Variants in NAV2 observed in about 807,000 individuals in gnomAD.
NAV2 encodes the protein neuron navigator 2.
Under a neutral mutation model 223.2 loss-of-function variants are expected in NAV2, and 54 were observed. That is an observed-to-expected ratio of 0.24 (90% CI 0.19 to 0.30). The LOEUF is 0.30. NAV2 is among the 10% of genes least tolerant of loss of function. The pLI is 1.00. For missense variants in NAV2, 2,806 were observed against 3,147.5 expected (o/e 0.89, Z 2.60); for synonymous variants, 1,279 against 1,239.3 (o/e 1.03, Z -0.67).
intron 1 of NAV2, among the ~76,000 whole-genome samples, chr11:19,587,246 G>A (rs1045118000): frequency 6.6e-6 from 1 of 152,210 alleles, no homozygotes; most frequent in African/African-American, 2.4e-5. Context: ...ATTAGGGTGG[G>A]AGTGACCCAG....
chr11:19,553,034 T>A (rs1434214170), intron 1 of NAV2, among the ~76,000 whole-genome samples: 1 of 152,194 alleles, frequency 6.6e-6, no homozygotes, highest in Non-Finnish European at 1.5e-5. Context: ...CAGCCTTGCC[T>A]CCAGTCTCAG....
At chr11:19,896,415 A>C (rs1265105739) in intron 6 of NAV2, among the ~76,000 whole-genome samples, 1 of 152,202 alleles carries the variant, frequency 6.6e-6, no homozygotes, top group Non-Finnish European at 1.5e-5. Flanking sequence ...GAATGAAATC[A>C]CACAGCATTT....
intron 1 of NAV2, among the ~76,000 whole-genome samples, chr11:19,808,831 A>T (rs1666324290): frequency 6.6e-6 from 1 of 152,210 alleles, no homozygotes; most frequent in African/African-American, 2.4e-5. Flanking sequence ...TTTTGGAGAC[A>T]TTTTTTTGCT....
chr11:20,086,494 C>T (rs2060454568), intron 26 of NAV2, among the ~76,000 whole-genome samples: 1 of 152,182 alleles, frequency 6.6e-6, no homozygotes, highest in African/African-American at 2.4e-5. Flanking sequence ...GTCCCTTTGC[C>T]CCTGCTTCAT....
intron 9 of NAV2, 138 bp from the exon 10 acceptor site, chr11:19,948,553 A>G: frequency 1.2e-6 from 1 of 802,722 alleles, no homozygotes; most frequent in Non-Finnish European, 1.8e-6. Context: ...GAAGCACATC[A>G]GGTGGTACAT....
chr11:19,402,090 T>A (rs2729911), intron 1 of NAV2: 96,679 of 151,990 alleles, frequency 0.64, 31,007 homozygotes, highest in East Asian at 0.79. Flanking sequence ...TCAAGAATGC[T>A]GAAGTCCAAA....
intron 1 of NAV2, among the ~76,000 whole-genome samples, chr11:19,588,710 T>C (rs1490073915): frequency 6.6e-6 from 1 of 152,108 alleles, no homozygotes; most frequent in Non-Finnish European, 1.5e-5. Flanking sequence ...AAAATTCTCT[T>C]AGAAATAAAG....
intron 10 of NAV2, among the ~76,000 whole-genome samples, chr11:19,953,235 A>G (rs2047543820): frequency 6.6e-6 from 1 of 152,202 alleles, no homozygotes; most frequent in Non-Finnish European, 1.5e-5. Context: ...TAAATATAAC[A>G]TCAGAAGTTT....
chr11:19,576,079 A>G (rs1004603905), intron 1 of NAV2, among the ~76,000 whole-genome samples: 8 of 152,210 alleles, frequency 5.3e-5, no homozygotes, highest in African/African-American at 1.9e-4. Context: ...TATGGCAGAA[A>G]AAGTGCTCAA....
intron 1 of NAV2, among the ~76,000 whole-genome samples, chr11:19,533,702 C>T (rs1297991991): frequency 7.1e-6 from 1 of 141,630 alleles, no homozygotes; most frequent in African/African-American, 3.0e-5. Context: ...CCTCTGGGAA[C>T]TATCTTTTTT....
intron 1 of NAV2, among the ~76,000 whole-genome samples, chr11:19,785,990 G>A (rs1470217825): frequency 6.6e-6 from 1 of 152,098 alleles, no homozygotes; most frequent in African/African-American, 2.4e-5. Flanking sequence ...CTTACACCAG[G>A]CAAGGAGGGA....
intron 1 of NAV2, among the ~76,000 whole-genome samples, chr11:19,799,284 C>T (rs959316264): frequency 3.3e-5 from 5 of 152,286 alleles, no homozygotes; most frequent in Middle Eastern, 3.4e-3. Flanking sequence ...CAGCATAGAA[C>T]ATTTTCACAG....
At chr11:19,658,493 A>G (rs2048186642) in intron 1 of NAV2, among the ~76,000 whole-genome samples, 1 of 152,152 alleles carries the variant, frequency 6.6e-6, no homozygotes, top group South Asian at 2.1e-4. Context: ...CCAGTGTTCA[A>G]ACTTTTACTT....
chr11:19,443,786 C>G (rs1161660890), intron 1 of NAV2, among the ~76,000 whole-genome samples: 1 of 152,296 alleles, frequency 6.6e-6, no homozygotes, highest in East Asian at 1.9e-4. Flanking sequence ...TGTCAGTTTT[C>G]TTCTCTGTAA....
chr11:19,887,072 T>C (rs1305021314), intron 5 of NAV2, among the ~76,000 whole-genome samples: 1 of 152,132 alleles, frequency 6.6e-6, no homozygotes, highest in Non-Finnish European at 1.5e-5. Flanking sequence ...TAAAGTTTGG[T>C]TGCCAAAAGA....
chr11:19,503,533 T>C, intron 1 of NAV2: 1 of 152,234 alleles, frequency 6.6e-6, no homozygotes, highest in East Asian at 1.9e-4. Context: ...CAGAGCGTCA[T>C]GTGGCTGGAA....
intron 28 of NAV2, 70 bp from the exon 29 acceptor site, chr11:20,093,029 A>G: frequency 2.5e-6 from 2 of 784,800 alleles, no homozygotes; most frequent in Non-Finnish European, 3.8e-6. Flanking sequence ...GCCAACCTGC[A>G]GCGGGGGTGT....
chr11:20,024,605 T>G lies in NAV2; in HGVS notation c.2769-11354T>G, dbSNP rs140907580. ...CTGAGCTTCTCTTGGGCTGTAGAAA[T>G]CTTGACCTGAGGTCCCTTCGCTTTC... On this transcript the variant is annotated intron_variant, in intron 11 of 37. Coordinates refer to ENST00000349880, the MANE Select transcript of NAV2 (RefSeq NM_145117.5). 1.8e-3 allele frequency among the ~76,000 whole-genome samples: 273 copies of G among 152,342 alleles called. 1 individual carries two copies. The highest frequency in any genetic ancestry group is 6.2e-3 in the African/African-American group (259 of 41,580).
Position 19,939,665 on chromosome 11 carries a change from C to G in NAV2, c.2038C>G (p.Gln680Glu). ...TGCTTCGGTTTGTGTGTGAAGGTCTCAGACGGACACTGAAGGGAATGTTAC... is the reference window on the plus strand; with the variant it reads ...TGCTTCGGTTTGTGTGTGAAGGTCTGAGACGGACACTGAAGGGAATGTTAC... ...ATVAPFLYRS[Q>E]TDTEGNVTAE... The change falls in exon 8 of 38, where the codon CAG becomes GAG. Residue 680 changes from glutamine to glutamate, a missense_variant. Physicochemically the swap from Gln to Glu is conservative, Grantham distance 29. This residue lies in a region of NAV2 where 1,167 missense variants were observed against 1,180.5 expected (regional missense o/e 0.99). Transcript: ENST00000349880. 1 of 1,613,932 alleles carries G rather than the reference C, an allele frequency of 6.2e-7. No homozygotes were observed. The highest frequency in any genetic ancestry group is 1.1e-5 in the South Asian group (1 of 91,044).
Sources: allele counts gnomAD v4.1 joint callset (sites outside exome capture counted in the v4.1 genomes callset), GRCh38; gene constraint gnomAD v4.1.1; regional missense constraint gnomAD v4.1.1; transcripts MANE v1.5; gene names NCBI Gene and HGNC (gene_info 2026-07-23, HGNC 2026-07-21).